Variants in NRG2 observed in about 807,000 individuals in gnomAD.
The protein encoded by NRG2 is pro-neuregulin-2, membrane-bound isoform.
Under a neutral mutation model 73.9 loss-of-function variants are expected in NRG2, and 27 were observed. The observed-to-expected ratio is 0.37, with a 90% CI of 0.27 to 0.50. The LOEUF is 0.50. Ranked by LOEUF, NRG2 falls within the 20% of genes least tolerant of loss-of-function variation. The pLI is 0.96. For missense variants in NRG2, 1,126 were observed against 1,210.1 expected, an observed-to-expected ratio of 0.93 and a Z score of 1.03; for synonymous variants, 532 against 541.0, an observed-to-expected ratio of 0.98 and a Z score of 0.23.
At chr5:139,971,012 A>G (rs1007859561) in intron 1 of NRG2, among the ~76,000 whole-genome samples, 2 of 151,932 alleles carry the variant, frequency 1.3e-5, no homozygotes, top group Non-Finnish European at 2.9e-5. Context: ...CTTAGAAGGG[A>G]ACACAGTGAC....
At chr5:139,898,630 G>A (rs1448735592) in intron 1 of NRG2, among the ~76,000 whole-genome samples, 1 of 152,190 alleles carries the variant, frequency 6.6e-6, no homozygotes, top group Non-Finnish European at 1.5e-5. Flanking sequence ...CATTCTGATG[G>A]TTCAGCTGGG....
intron 1 of NRG2, among the ~76,000 whole-genome samples, chr5:140,022,740 A>C (rs1760339737): frequency 1.3e-5 from 2 of 152,240 alleles, no homozygotes; most frequent in Non-Finnish European, 2.9e-5. Flanking sequence ...AAAATGAGTC[A>C]ACATTTATAA....
chr5:139,946,193 C>T (rs1048566149), intron 1 of NRG2, among the ~76,000 whole-genome samples: 5 of 152,068 alleles, frequency 3.3e-5, no homozygotes, highest in Admixed American at 1.3e-4. Flanking sequence ...GCAAGACTCA[C>T]ACTTCCCACT....
chr5:139,994,661 T>A (rs1457221576), intron 1 of NRG2, among the ~76,000 whole-genome samples: 1 of 152,228 alleles, frequency 6.6e-6, no homozygotes, highest in African/African-American at 2.4e-5. Flanking sequence ...TCACTTTTTT[T>A]AATGCCAAAT....
intron 1 of NRG2, among the ~76,000 whole-genome samples, chr5:139,965,794 CAGGATGTGACTGTG>C (rs1245371244): frequency 1.9e-4 from 29 of 152,160 alleles, no homozygotes; most frequent in Admixed American, 1.5e-3. Flanking sequence ...TTGCCAAGGT[CAGGATGTGACTGTG>C]AGGTAAAGCC....
At chr5:139,883,710 T>G (rs139093558) in intron 2 of NRG2, among the ~76,000 whole-genome samples, 3 of 152,122 alleles carry the variant, frequency 2.0e-5, no homozygotes, top group African/African-American at 7.2e-5. Context: ...CAGGTGGCCG[T>G]TCTCTCTAAG....
Position 139,852,632 on chromosome 5 carries a change from A to C in NRG2, c.1417-73T>G. On this transcript the variant is annotated intron_variant, in intron 7 of 9. Coordinates refer to ENST00000361474, the MANE Select transcript of NRG2 (RefSeq NM_004883.3). This position sits in a 1 kb window ranked among gnomAD's most constrained non-coding sequence, Gnocchi z 4.4. The stretch of plus-strand genomic sequence containing the variant: ...AACTCTTTCTTGTTGGGGACAGGGA[A>C]GTGATGAGCACTGACTGAGCTCCTG... The C allele has an allele frequency of 6.3e-7, 1 of 1,577,696 alleles. No homozygotes were observed.
At chr5:139,875,564 A>T (rs948279148) in intron 3 of NRG2, among the ~76,000 whole-genome samples, 6 of 152,220 alleles carry the variant, frequency 3.9e-5, no homozygotes, top group Admixed American at 3.3e-4. Context: ...TCTTTTTGGT[A>T]GATTAAAGGA....
rs766000569 is a variant in NRG2 at position 139,904,325 on chromosome 5, G to A, written c.701-16814C>T. ...GCCCTACCTTTCTCCCCGGGATCGGGCTCCCTCTCCCGCTTCCTCCCCTCT... is the reference window on the plus strand; with the variant it reads ...GCCCTACCTTTCTCCCCGGGATCGGACTCCCTCTCCCGCTTCCTCCCCTCT... On this transcript the variant is annotated intron_variant, in intron 1 of 9. Coordinates refer to ENST00000361474, the MANE Select transcript of NRG2 (RefSeq NM_004883.3). The surrounding 1 kb of genome is among the most constrained non-coding windows in gnomAD (Gnocchi z 6.0). 137 of 1,591,618 alleles carry A rather than the reference G, an allele frequency of 8.6e-5. No homozygotes were observed. The highest frequency in any genetic ancestry group is 5.2e-4 in the South Asian group (47 of 89,888).
At chr5:139,965,323 C>G (rs1260523502) in intron 1 of NRG2, among the ~76,000 whole-genome samples, 1 of 152,230 alleles carries the variant, frequency 6.6e-6, no homozygotes, top group Non-Finnish European at 1.5e-5. Context: ...TCTCTCAACT[C>G]CTCCCAAACC....
intron 5 of NRG2, among the ~76,000 whole-genome samples, chr5:139,862,829 G>A (rs544509216): frequency 7.2e-5 from 11 of 152,386 alleles, no homozygotes; most frequent in African/African-American, 2.2e-4. Flanking sequence ...GGGACATAAA[G>A]ATGGACAAGC....
At chr5:139,951,571 G>C (rs1021955932) in intron 1 of NRG2, among the ~76,000 whole-genome samples, 5 of 142,646 alleles carry the variant, frequency 3.5e-5, no homozygotes, top group Non-Finnish European at 7.5e-5. Flanking sequence ...AGCAGCCTGA[G>C]CTCCGTGGCT....
At chr5:139,946,047 G>T (rs1001018371) in intron 1 of NRG2, among the ~76,000 whole-genome samples, 5 of 152,030 alleles carry the variant, frequency 3.3e-5, no homozygotes, top group African/African-American at 1.2e-4. Flanking sequence ...TCCCCAGATC[G>T]ATCTACAGAT....
At chr5:139,872,020 G>A (rs866464156) in intron 3 of NRG2, among the ~76,000 whole-genome samples, 179 bp from the exon 4 acceptor site, 6 of 152,196 alleles carry the variant, frequency 3.9e-5, no homozygotes, top group African/African-American at 1.4e-4. Flanking sequence ...AGGCCACCAT[G>A]AGCTCTGCCC....
chr5:139,963,669 G>A (rs1437400082), intron 1 of NRG2, among the ~76,000 whole-genome samples: 1 of 152,196 alleles, frequency 6.6e-6, no homozygotes, highest in Non-Finnish European at 1.5e-5. Context: ...CTGAGACTTG[G>A]AGAGGTGAAG....
At chr5:139,862,537 G>A (rs1054165330) in intron 5 of NRG2, among the ~76,000 whole-genome samples, 12 of 152,370 alleles carry the variant, frequency 7.9e-5, no homozygotes, top group African/African-American at 1.9e-4. Context: ...CCTGATGCTG[G>A]ACTCCCAACA....
intron 6 of NRG2, among the ~76,000 whole-genome samples, chr5:139,854,589 C>T (rs181041249): frequency 1.3e-5 from 2 of 152,334 alleles, no homozygotes; most frequent in East Asian, 1.9e-4. Context: ...CCCCAACTCC[C>T]TCCTGACTCT....
intron 1 of NRG2, among the ~76,000 whole-genome samples, chr5:139,985,390 T>C (rs1757100032): frequency 6.8e-6 from 1 of 147,070 alleles, no homozygotes; most frequent in Non-Finnish European, 1.5e-5. Flanking sequence ...CCCAAAAGAG[T>C]GCCTGGCCTT....
chr5:139,895,751 A>T (rs1411298765), intron 1 of NRG2, among the ~76,000 whole-genome samples: 1 of 152,232 alleles, frequency 6.6e-6, no homozygotes, highest in Non-Finnish European at 1.5e-5. Context: ...GACCACTATC[A>T]TCTCTTCAGC....
Sources: allele counts gnomAD v4.1 joint callset (sites outside exome capture counted in the v4.1 genomes callset), GRCh38; gene constraint gnomAD v4.1.1; non-coding constraint Gnocchi (gnomAD v3.1); transcripts MANE v1.5; gene names NCBI Gene and HGNC (gene_info 2026-07-23, HGNC 2026-07-21).